The following ELAVL4 variants were observed in gnomAD, a reference collection of about 807,000 sequenced individuals.
ELAVL4 encodes ELAV like RNA binding protein 4, also known as ELAV-like protein 4.
Under a neutral mutation model 35.6 loss-of-function variants are expected in ELAVL4, and 1 was observed. The observed-to-expected ratio is 0.03, with a 90% CI of 0.01 to 0.13. ELAVL4 has a LOEUF of 0.13. ELAVL4 is among the 10% of genes least tolerant of loss of function. The pLI is 1.00. For synonymous variants in ELAVL4, 156 were observed against 171.0 expected (o/e 0.91, Z 0.69); for missense variants, 267 against 464.9 (o/e 0.57, Z 3.91).
chr1:50,123,485 T>TA (rs78008214), intron 1 of ELAVL4, among the ~76,000 whole-genome samples: 39,582 of 151,942 alleles, frequency 0.26, 5,436 homozygotes, highest in East Asian at 0.34. Context: ...GCAGTAAGCC[T>TA]AAAAATAATG....
At chr1:50,167,775 C>T (rs929078800) in intron 2 of ELAVL4, among the ~76,000 whole-genome samples, 1 of 152,192 alleles carries the variant, frequency 6.6e-6, no homozygotes, top group Non-Finnish European at 1.5e-5. Flanking sequence ...TTAAAATCCT[C>T]CTCTGCTGAA....
At chr1:50,080,944 C>A (rs1487325714) in intron 1 of ELAVL4, among the ~76,000 whole-genome samples, 1 of 152,162 alleles carries the variant, frequency 6.6e-6, no homozygotes, top group African/African-American at 2.4e-5. Context: ...AGAGTCGATA[C>A]TCGGTTATAT....
chr1:50,190,610 G>T (rs888836306), intron 3 of ELAVL4, among the ~76,000 whole-genome samples: 2 of 152,176 alleles, frequency 1.3e-5, no homozygotes, highest in African/African-American at 4.8e-5. Context: ...TGCCTTTGGG[G>T]ATTTAGGGTC....
chr1:50,106,239 T>A, upstream of ELAVL4: 1 of 1,445,108 alleles, frequency 6.9e-7, no homozygotes, highest in Non-Finnish European at 9.6e-7. Flanking sequence ...GTACAGTCCA[T>A]CTGGACTCTG....
intron 2 of ELAVL4, among the ~76,000 whole-genome samples, chr1:50,151,076 C>G (rs981998079): frequency 6.6e-6 from 1 of 152,164 alleles, no homozygotes; most frequent in Non-Finnish European, 1.5e-5. Flanking sequence ...TTTACAGATG[C>G]AGAAACTTGA....
chr1:50,128,330 T>C (rs1015271652), intron 1 of ELAVL4, among the ~76,000 whole-genome samples: 3 of 152,094 alleles, frequency 2.0e-5, no homozygotes, highest in Middle Eastern at 3.2e-3. Context: ...ACTTTTGCAT[T>C]GATTCTGAAG....
At chr1:50,088,226 A>T (rs1665335703) in intron 1 of ELAVL4, among the ~76,000 whole-genome samples, 1 of 152,228 alleles carries the variant, frequency 6.6e-6, no homozygotes, top group Non-Finnish European at 1.5e-5. Flanking sequence ...ATATATTAGC[A>T]TTGTGATGTC....
chr1:50,082,779 T>G (rs1425223987), intron 1 of ELAVL4, among the ~76,000 whole-genome samples: 2 of 152,206 alleles, frequency 1.3e-5, no homozygotes, highest in Admixed American at 6.5e-5. Context: ...GAATTAGGCA[T>G]TTGATCTATA....
intron 2 of ELAVL4, among the ~76,000 whole-genome samples, chr1:50,147,498 G>A (rs531138300): frequency 6.6e-6 from 1 of 152,304 alleles, no homozygotes; most frequent in Admixed American, 6.5e-5. Flanking sequence ...GGGCTGTGGG[G>A]AAATGGGGAA....
intron 3 of ELAVL4, among the ~76,000 whole-genome samples, chr1:50,183,522 G>A (rs1358257457): frequency 6.6e-6 from 1 of 152,164 alleles, no homozygotes. Flanking sequence ...CTGGGAAGGA[G>A]AGTGAGCTCC....
Position 50,116,566 on chromosome 1 carries a change from A to G in ELAVL4, c.9+7368A>G, listed in dbSNP as rs537751799. On this transcript the variant is annotated intron_variant, in intron 1 of 6. Coordinates refer to ENST00000371824, the MANE Select transcript of ELAVL4 (RefSeq NM_001144774.3). Reference sequence around the variant, plus strand: ...TAAAGGTTTGCTTTCTAATTTGTACATGAAAAATAACAGGCTGAGTTGAAC... The same window carrying G: ...TAAAGGTTTGCTTTCTAATTTGTACGTGAAAAATAACAGGCTGAGTTGAAC... 1.6e-4 allele frequency among the ~76,000 whole-genome samples: 25 copies of G among 152,026 alleles called. No individual in the cohort carries two copies. The South Asian group carries it at 5.0e-3, about 30-fold the overall frequency.
At chr1:50,133,710 G>A (rs1178168673) in intron 1 of ELAVL4, among the ~76,000 whole-genome samples, 4 of 152,086 alleles carry the variant, frequency 2.6e-5, no homozygotes, top group Non-Finnish European at 4.4e-5. Context: ...AAACTTTCAA[G>A]TGTGATAAAG....
chr1:50,133,182 A>G (rs921178293), intron 1 of ELAVL4, among the ~76,000 whole-genome samples: 9 of 152,146 alleles, frequency 5.9e-5, no homozygotes, highest in African/African-American at 1.9e-4. Flanking sequence ...AGAATTTTGG[A>G]TTCTTTTCTG....
In ELAVL4 at chr1:50,109,015, TCCCCCGCCCACC is replaced by T; in HGVS notation, c.-169_-158del. On this transcript the variant is annotated 5_prime_UTR_variant, in exon 1 of 7. Transcript: ENST00000371824. ...GCTCCTTTTCTTTTTTTTCTTTCTC[TCCCCCGCCCACC>T]CCCCCAAAAATAATTGATTTGCTTT... The T allele has an allele frequency of 1.0e-6, 1 of 961,070 alleles. No individual in the cohort carries two copies. The highest frequency in any genetic ancestry group is 1.2e-6 in the Non-Finnish European group (1 of 816,950). The allele number at this position is 961,070 out of a possible 1,614,324, so 59.5% of individuals were successfully genotyped here.
chr1:50,088,409 C>T (rs750255060), intron 1 of ELAVL4, among the ~76,000 whole-genome samples: 2 of 152,096 alleles, frequency 1.3e-5, no homozygotes, highest in African/African-American at 4.8e-5. Context: ...CCATAGAATC[C>T]TTTTGGGAGG....
At position 50,109,075 on chromosome 1, in the gene ELAVL4, G is replaced by T; in HGVS notation, c.-115G>T. ...TTTACAATCATCCACACTGTGTTTT[G>T]TGGATCTTTAATTATATATAACAAT... On this transcript the variant is annotated 5_prime_UTR_variant, in exon 1 of 7. Transcript: ENST00000371824. The T allele has an allele frequency of 9.6e-7, 1 of 1,046,006 alleles. No homozygotes were observed. The highest frequency in any genetic ancestry group is 1.1e-6 in the Non-Finnish European group (1 of 875,334). 64.8% of individuals were successfully genotyped at this position (1,046,006 alleles called of 1,614,324 possible).
chr1:50,191,026 A>C (rs764370250), intron 3 of ELAVL4, among the ~76,000 whole-genome samples: 7 of 152,052 alleles, frequency 4.6e-5, no homozygotes, highest in Non-Finnish European at 8.8e-5. Flanking sequence ...TTTTAGTCAC[A>C]CTCATATGTA....
At chr1:50,051,700 GA>G (rs1301410445) in intron 1 of ELAVL4, among the ~76,000 whole-genome samples, 3 of 152,002 alleles carry the variant, frequency 2.0e-5, no homozygotes, top group Non-Finnish European at 4.4e-5. Context: ...ATCAACTTGT[GA>G]TTTTTTTATT....
At chr1:50,100,782 G>A (rs748067557), upstream of ELAVL4, among the ~76,000 whole-genome samples, 8 of 152,152 alleles carry the variant, frequency 5.3e-5, no homozygotes, top group Non-Finnish European at 1.0e-4. Flanking sequence ...ATTTGCAGCA[G>A]GCACTTTTTT....
Sources: allele counts gnomAD v4.1 joint callset (sites outside exome capture counted in the v4.1 genomes callset), GRCh38; gene constraint gnomAD v4.1.1; transcripts MANE v1.5; gene names NCBI Gene and HGNC (gene_info 2026-07-23, HGNC 2026-07-21).